The following CACNA2D2 variants were observed in gnomAD, a reference collection of about 807,000 sequenced individuals.
The protein encoded by CACNA2D2 is voltage-dependent calcium channel subunit alpha-2/delta-2.
A neutral mutation model predicts 166.4 loss-of-function variants in CACNA2D2; 48 were observed. That is an observed-to-expected ratio of 0.29 (90% CI 0.23 to 0.37). The LOEUF is 0.37. CACNA2D2 is among the 10% of genes least tolerant of loss of function. CACNA2D2 has a pLI of 1.00. For synonymous variants in CACNA2D2, 561 were observed against 573.7 expected, an observed-to-expected ratio of 0.98 and a Z score of 0.32; for missense variants, 1,122 against 1,433.0, an observed-to-expected ratio of 0.78 and a Z score of 3.50.
At chr3:50,405,994 AC>A (rs1238553053) in intron 3 of CACNA2D2, among the ~76,000 whole-genome samples, 1 of 150,094 alleles carries the variant, frequency 6.7e-6, no homozygotes, top group Non-Finnish European at 1.5e-5. Context: ...TCCAATCTCT[AC>A]CCCCTATCCA....
At chr3:50,420,553 C>G (rs1223061415) in intron 3 of CACNA2D2, among the ~76,000 whole-genome samples, 2 of 152,220 alleles carry the variant, frequency 1.3e-5, no homozygotes, top group African/African-American at 4.8e-5. Context: ...TGTATACATA[C>G]CCTGTGCATA....
chr3:50,372,343 A>G (rs1219100615), intron 22 of CACNA2D2, among the ~76,000 whole-genome samples: 1 of 152,176 alleles, frequency 6.6e-6, no homozygotes, highest in Non-Finnish European at 1.5e-5. Context: ...TTCCCCAGGG[A>G]AACACCTTTT....
At chr3:50,435,526 G>GGTGATGA (rs1262987287) in intron 2 of CACNA2D2, among the ~76,000 whole-genome samples, 1 of 151,622 alleles carries the variant, frequency 6.6e-6, no homozygotes, top group African/African-American at 2.4e-5. Flanking sequence ...GAGGTGATGA[G>GGTGATGA]GGGAGATAAG....
At chr3:50,438,628 G>C (rs1022382692) in intron 2 of CACNA2D2, among the ~76,000 whole-genome samples, 1 of 152,216 alleles carries the variant, frequency 6.6e-6, no homozygotes, top group East Asian at 1.9e-4. Context: ...GCCTGGGAGA[G>C]AGGAGTCCAA....
Position 50,375,247 on chromosome 3 carries a change from G to A in CACNA2D2, c.1907+397C>T. 6.6e-6 allele frequency among the ~76,000 whole-genome samples: 1 copy of A among 152,324 alleles called. No homozygotes were observed. Among genetic ancestry groups the A allele is most frequent in the East Asian group, 1.9e-4 (1 of 5,176 alleles). On this transcript the variant is annotated intron_variant, in intron 21 of 37. Transcript: ENST00000424201. The surrounding 1 kb of genome is among the most constrained non-coding windows in gnomAD (Gnocchi z 4.0). ...CGCAGATATGGTGGGGGCAGGGGGTGGCAGTTGTGGGCTGGCATGGGCTGT... is the reference window on the plus strand; with the variant it reads ...CGCAGATATGGTGGGGGCAGGGGGTAGCAGTTGTGGGCTGGCATGGGCTGT...
intron 2 of CACNA2D2, among the ~76,000 whole-genome samples, chr3:50,466,355 G>C (rs1487042044): frequency 6.6e-6 from 1 of 151,954 alleles, no homozygotes. Context: ...AGTAGTTCTC[G>C]CCTGCTCGGG....
At chr3:50,409,239 ACTTGGG>A (rs1305973744) in intron 3 of CACNA2D2, among the ~76,000 whole-genome samples, 1 of 152,240 alleles carries the variant, frequency 6.6e-6, no homozygotes, top group East Asian at 1.9e-4. Flanking sequence ...GGCCGACAGC[ACTTGGG>A]CTCATGAGGA....
chr3:50,411,942 G>T (rs1279452763), intron 3 of CACNA2D2, among the ~76,000 whole-genome samples: 1 of 152,172 alleles, frequency 6.6e-6, no homozygotes. Flanking sequence ...ATGGGCTGAG[G>T]GGCACCATCC....
chr3:50,394,075 C>G, intron 4 of CACNA2D2, 34 bp downstream of exon 4: 1 of 1,604,736 alleles, frequency 6.2e-7, no homozygotes. Flanking sequence ...GATGGGCATG[C>G]CCTAAGTGCT....
intron 3 of CACNA2D2, among the ~76,000 whole-genome samples, chr3:50,409,053 A>G (rs1706864321): frequency 6.6e-6 from 1 of 152,072 alleles, no homozygotes; most frequent in African/African-American, 2.4e-5. Context: ...GGACTTTCTG[A>G]GGGAGAGACC....
chr3:50,480,108 A>C (rs894239311), intron 1 of CACNA2D2, among the ~76,000 whole-genome samples: 1 of 152,146 alleles, frequency 6.6e-6, no homozygotes, highest in Non-Finnish European at 1.5e-5. Context: ...TTTCCCAGAC[A>C]AGAAAATTGA....
chr3:50,383,055 T>C (rs1166143138), intron 6 of CACNA2D2, among the ~76,000 whole-genome samples: 2 of 152,224 alleles, frequency 1.3e-5, no homozygotes, highest in Admixed American at 1.3e-4. Flanking sequence ...TGATTACAGA[T>C]TTAATTAAAA....
upstream of CACNA2D2, chr3:50,503,734 C>G (rs1699090777): frequency 6.6e-6 from 1 of 152,204 alleles, no homozygotes; most frequent in Non-Finnish European, 1.5e-5. Flanking sequence ...CCGGGCTGGC[C>G]CGCCCCCGCG....
intron 3 of CACNA2D2, among the ~76,000 whole-genome samples, chr3:50,424,189 T>G (rs1344631592): frequency 1.3e-5 from 2 of 152,212 alleles, no homozygotes; most frequent in African/African-American, 4.8e-5. Flanking sequence ...CTTGGCTACC[T>G]TCTATGCTCT....
At position 50,406,901 on chromosome 3, in the gene CACNA2D2, C is replaced by A. The variant is rs1306816771; in HGVS notation, c.406-12733G>T. On this transcript the variant is annotated intron_variant, in intron 3 of 37. Transcript: ENST00000424201. Reference sequence around the variant, plus strand: ...CCCTGAGAAGAGTCTGATGAAGAGACAGAGACAACTCATTCTTCACCTTTC... The same window carrying A: ...CCCTGAGAAGAGTCTGATGAAGAGAAAGAGACAACTCATTCTTCACCTTTC... 9.9e-5 allele frequency among the ~76,000 whole-genome samples: 15 copies of A among 151,862 alleles called. 1 individual carries two copies. The highest frequency in any genetic ancestry group is 9.2e-4 in the Admixed American group (14 of 15,266).
chr3:50,424,540 A>G (rs1707717128), intron 3 of CACNA2D2, among the ~76,000 whole-genome samples: 1 of 152,130 alleles, frequency 6.6e-6, no homozygotes, highest in Admixed American at 6.5e-5. Context: ...CAGGTCCCCT[A>G]GGCCTGGTCA....
At chr3:50,467,143 C>T (rs1271803698) in intron 2 of CACNA2D2, among the ~76,000 whole-genome samples, 3 of 152,168 alleles carry the variant, frequency 2.0e-5, no homozygotes, top group Admixed American at 2.0e-4. Context: ...CTGGGCCAAG[C>T]CTTCAAGTCA....
rs543850179 is a variant in CACNA2D2 at position 50,427,479 on chromosome 3, C to T, written c.405+6834G>A. On this transcript the variant is annotated intron_variant, in intron 3 of 37. Coordinates refer to ENST00000424201, the MANE Select transcript of CACNA2D2 (RefSeq NM_006030.4). The surrounding 1 kb of genome is among the most constrained non-coding windows in gnomAD (Gnocchi z 4.7). ...AGGCTGCTTGGGCGCTTGGCGCCCACGCGTGCGCCTAATTGGCTCCACGTG... is the reference window on the plus strand; with the variant it reads ...AGGCTGCTTGGGCGCTTGGCGCCCATGCGTGCGCCTAATTGGCTCCACGTG... Among the ~76,000 whole-genome samples, 3 of 152,370 alleles carry T rather than the reference C, an allele frequency of 2.0e-5. No homozygotes were observed. Among genetic ancestry groups the T allele is most frequent in the South Asian group, 4.1e-4 (2 of 4,830 alleles).
rs929596378 is a variant in CACNA2D2, at chr3:50,486,332, A to T, written c.207-10133T>A. On this transcript the variant is annotated intron_variant, in intron 1 of 37. Transcript: ENST00000424201. Reference sequence around the variant, plus strand: ...AGAGGTGGCAGGACAGACCCTGTCCATGTGTCACCAACCATTCTGGTCAGA... The same window carrying T: ...AGAGGTGGCAGGACAGACCCTGTCCTTGTGTCACCAACCATTCTGGTCAGA... 2.0e-5 allele frequency among the ~76,000 whole-genome samples: 3 copies of T among 152,176 alleles called. No homozygotes were observed. The East Asian group carries it at 5.8e-4, about 29-fold the overall frequency.
Sources: gnomAD v4.1 joint callset for allele counts (sites outside exome capture counted in the v4.1 genomes callset) on GRCh38, gnomAD v4.1.1 for gene constraint, Gnocchi (gnomAD v3.1) non-coding constraint, MANE v1.5 for transcripts, NCBI Gene and HGNC (gene_info 2026-07-23, HGNC 2026-07-21) for gene names.